The following ST3GAL3 variants were observed in gnomAD, a reference collection of about 807,000 sequenced individuals.
ST3GAL3 encodes the protein CMP-N-acetylneuraminate-beta-1,4-galactoside alpha-2,3-sialyltransferase.
Under a neutral mutation model 50.1 loss-of-function variants are expected in ST3GAL3, and 21 were observed. That is an observed-to-expected ratio of 0.42 (90% CI 0.30 to 0.60). ST3GAL3 has a LOEUF of 0.60. Among genes scored for constraint, ST3GAL3 ranks in the 20% least tolerant of loss-of-function variants. The probability of loss-of-function intolerance (pLI) is 0.19; values close to 1 mark genes in which losing one functional copy is unlikely to be tolerated. For missense variants in ST3GAL3, 353 were observed against 489.4 expected, an observed-to-expected ratio of 0.72 and a Z score of 2.63; for synonymous variants, 183 against 190.0, an observed-to-expected ratio of 0.96 and a Z score of 0.30.
chr1:43,883,018 G>C (rs1364137716), intron 5 of ST3GAL3, among the ~76,000 whole-genome samples: 1 of 151,460 alleles, frequency 6.6e-6, no homozygotes, highest in Non-Finnish European at 1.5e-5. Flanking sequence ...CTGGAGTGCA[G>C]TGGCAAGATC....
rs142144330 is a variant in ST3GAL3 at position 43,768,115 on chromosome 1, G to A, written c.119-23987G>A. ...AAAGATTAACATACTTTTCCAAGGA[G>A]CAAGTTTTTTTAAAAAAAGATTAAT... On this transcript the variant is annotated intron_variant, in intron 2 of 11. Coordinates refer to ENST00000347631, the MANE Select transcript of ST3GAL3 (RefSeq NM_006279.5). Among the ~76,000 whole-genome samples, 163 of 152,242 alleles carry A rather than the reference G, an allele frequency of 1.1e-3. 1 individual carries two copies. The highest frequency in any genetic ancestry group is 3.8e-3 in the African/African-American group (158 of 41,544).
At chr1:43,811,419 C>T (rs1003420756) in intron 3 of ST3GAL3, among the ~76,000 whole-genome samples, 3 of 152,142 alleles carry the variant, frequency 2.0e-5, no homozygotes, top group Non-Finnish European at 4.4e-5. Context: ...CTGATGACCC[C>T]TTTCCATTTT....
chr1:43,754,251 G>C (rs1169637550), intron 2 of ST3GAL3, among the ~76,000 whole-genome samples: 1 of 152,154 alleles, frequency 6.6e-6, no homozygotes, highest in Non-Finnish European at 1.5e-5. Flanking sequence ...GTGGTGCAGT[G>C]GCACAGTCCC....
rs191042663 is a variant in ST3GAL3 at position 43,857,768 on chromosome 1, A to G, written c.302+19457A>G. 6.6e-5 allele frequency among the ~76,000 whole-genome samples: 10 copies of G among 152,142 alleles called. No individual in the cohort carries two copies. The East Asian group carries it at 1.9e-3, about 29-fold the overall frequency. ...GTAGCTAGGATTACAGGTGCCCGCCACTATGTCCAGCTAATTTTTGTATCT... is the reference window on the plus strand; with the variant it reads ...GTAGCTAGGATTACAGGTGCCCGCCGCTATGTCCAGCTAATTTTTGTATCT... On this transcript the variant is annotated intron_variant, in intron 5 of 11. Coordinates refer to ENST00000347631, the MANE Select transcript of ST3GAL3 (RefSeq NM_006279.5).
intron 9 of ST3GAL3, 135 bp from the exon 10 acceptor site, chr1:43,920,269 A>G (rs2082797034): frequency 9.6e-7 from 1 of 1,044,522 alleles, no homozygotes; most frequent in Non-Finnish European, 1.5e-6. Context: ...TGGGCTTCCT[A>G]CACCACAGGC....
At chr1:43,880,874 G>T (rs1412240340) in intron 5 of ST3GAL3, among the ~76,000 whole-genome samples, 2 of 152,204 alleles carry the variant, frequency 1.3e-5, no homozygotes, top group Non-Finnish European at 2.9e-5. Context: ...TTAGAACAGT[G>T]CCAGGAATGC....
At chr1:43,741,226 G>A (rs1680804377) in intron 2 of ST3GAL3, among the ~76,000 whole-genome samples, 1 of 152,132 alleles carries the variant, frequency 6.6e-6, no homozygotes, top group Admixed American at 6.5e-5. Flanking sequence ...CTACTCGAGA[G>A]GCTGAGGTGG....
intron 4 of ST3GAL3, among the ~76,000 whole-genome samples, chr1:43,833,293 C>T (rs542650638): frequency 2.6e-5 from 4 of 152,256 alleles, no homozygotes; most frequent in Admixed American, 1.3e-4. Context: ...TTATTGGGTA[C>T]TTGTATATTC....
At chr1:43,862,344 C>T (rs938229891) in intron 5 of ST3GAL3, among the ~76,000 whole-genome samples, 7 of 152,178 alleles carry the variant, frequency 4.6e-5, no homozygotes, top group Non-Finnish European at 7.3e-5. Context: ...CTGTGTATAC[C>T]ACATTATAAT....
At chr1:43,792,753 C>G (rs1012844777) in intron 3 of ST3GAL3, among the ~76,000 whole-genome samples, 2 of 152,174 alleles carry the variant, frequency 1.3e-5, no homozygotes, top group African/African-American at 2.4e-5. Flanking sequence ...TCACCCAGAC[C>G]CAGTGGAGCC....
At chr1:43,738,005 G>A (rs74070661) in intron 2 of ST3GAL3, 4 of 152,134 alleles carry the variant, frequency 2.6e-5, no homozygotes, top group Non-Finnish European at 5.9e-5. Flanking sequence ...TATATTGTTG[G>A]AACTGGAATT....
At chr1:43,809,705 AG>A (rs35747575) in intron 3 of ST3GAL3, among the ~76,000 whole-genome samples, 56,095 of 151,588 alleles carry the variant, frequency 0.37, 11,117 homozygotes, top group East Asian at 0.59. Context: ...TCTTAAAAAA[AG>A]GAAAAGGGCC....
chr1:43,887,364 T>C (rs936020598), intron 5 of ST3GAL3, among the ~76,000 whole-genome samples: 1 of 151,942 alleles, frequency 6.6e-6, no homozygotes, highest in Non-Finnish European at 1.5e-5. Flanking sequence ...AAGAGTGAGA[T>C]TGAGGAGATG....
chr1:43,742,587 C>T (rs1179739678), intron 2 of ST3GAL3, among the ~76,000 whole-genome samples: 1 of 152,108 alleles, frequency 6.6e-6, no homozygotes, highest in Non-Finnish European at 1.5e-5. Flanking sequence ...TGCAAAGAAA[C>T]AGGAGAATAT....
rs1679199365 is a variant in ST3GAL3, at chr1:43,737,996, A to G, written c.118+1616A>G. ...TGAAACACTTTAATTTACCAAGGTT[A>G]TATTGTTGGAACTGGAATTCAATTC... On this transcript the variant is annotated intron_variant, in intron 2 of 11. Coordinates refer to ENST00000347631, the MANE Select transcript of ST3GAL3 (RefSeq NM_006279.5). This position sits in a 1 kb window ranked among gnomAD's most constrained non-coding sequence, Gnocchi z 4.0. The G allele has an allele frequency of 6.6e-6, 1 of 152,188 alleles. No homozygotes were observed. Among genetic ancestry groups the G allele is most frequent in the African/African-American group, 2.4e-5 (1 of 41,442 alleles). The allele number at this position is 152,188 out of a possible 1,614,324, so 9.4% of individuals were successfully genotyped here. A position where few individuals can be genotyped will look rare whatever the true frequency, so the allele number is the denominator to read the frequency against.
At chr1:43,747,667 G>A (rs1305609321) in intron 2 of ST3GAL3, among the ~76,000 whole-genome samples, 4 of 140,614 alleles carry the variant, frequency 2.8e-5, no homozygotes, top group African/African-American at 1.1e-4. Flanking sequence ...TGCAACCTCC[G>A]CCTCCCAGGT....
intron 2 of ST3GAL3, among the ~76,000 whole-genome samples, chr1:43,767,495 C>T (rs1384755582): frequency 6.6e-6 from 1 of 151,926 alleles, no homozygotes; most frequent in Non-Finnish European, 1.5e-5. Flanking sequence ...CAACAAGTGT[C>T]AGAGGATTGA....
intron 5 of ST3GAL3, among the ~76,000 whole-genome samples, chr1:43,891,206 G>T (rs2076637679): frequency 6.6e-6 from 1 of 152,228 alleles, no homozygotes; most frequent in Admixed American, 6.5e-5. Flanking sequence ...TTACTAGGAT[G>T]TGTGCAGAAG....
intron 11 of ST3GAL3, among the ~76,000 whole-genome samples, chr1:43,925,979 A>G (rs1425602388): frequency 2.0e-5 from 3 of 152,212 alleles, no homozygotes; most frequent in Non-Finnish European, 2.9e-5. Context: ...AGTAGTGAAC[A>G]GTGAGTAGAC....
Sources: gnomAD v4.1 joint callset for allele counts (sites outside exome capture counted in the v4.1 genomes callset) on GRCh38, gnomAD v4.1.1 for gene constraint, Gnocchi (gnomAD v3.1) non-coding constraint, MANE v1.5 for transcripts, NCBI Gene and HGNC (gene_info 2026-07-23, HGNC 2026-07-21) for gene names.